The following DMD variants were observed in gnomAD, a reference collection of about 807,000 sequenced individuals.
DMD encodes mutant dystrophin.
In DMD, 63 loss-of-function variants were observed where a neutral mutation model predicts 330.1. That is an observed-to-expected ratio of 0.19 (90% CI 0.16 to 0.24). The LOEUF is 0.24. Ranked by LOEUF, DMD falls within the 10% of genes least tolerant of loss-of-function variation. DMD has a pLI of 1.00. For missense variants in DMD, 3,344 were observed against 2,684.1 expected (o/e 1.25, Z -5.43); for synonymous variants, 1,223 against 959.8 (o/e 1.27, Z -5.07).
At chrX:33,112,258 C>A (rs2095345153) in intron 1 of DMD, among the ~76,000 whole-genome samples, 1 of 110,755 alleles carries the variant, frequency 9.0e-6, no homozygotes, top group Admixed American at 9.7e-5. Flanking sequence ...ATATATTAAA[C>A]TTTGTTATAT....
intron 55 of DMD, among the ~76,000 whole-genome samples, chrX:31,598,125 G>C (rs2077192037): frequency 9.5e-6 from 1 of 105,662 alleles, no homozygotes; most frequent in Non-Finnish European, 1.9e-5. Context: ...TTTTTTAATT[G>C]AGAGAGAGAG....
intron 9 of DMD, among the ~76,000 whole-genome samples, chrX:32,664,313 C>A (rs1220414749): frequency 9.6e-6 from 1 of 104,394 alleles, no homozygotes; most frequent in Non-Finnish European, 2.0e-5. Context: ...GCGATATCCG[C>A]TCACTACAAG....
intron 55 of DMD, among the ~76,000 whole-genome samples, chrX:31,520,490 T>C (rs1369359018): frequency 9.0e-6 from 1 of 111,493 alleles, no homozygotes; most frequent in Non-Finnish European, 1.9e-5. Context: ...CTCTTTTTCT[T>C]TAAATAAATT....
intron 48 of DMD, among the ~76,000 whole-genome samples, chrX:31,867,786 T>C (rs1159932468): frequency 9.0e-6 from 1 of 111,090 alleles, no homozygotes; most frequent in Non-Finnish European, 1.9e-5. Context: ...CACATCCTGG[T>C]GCTACTTTAT....
chrX:32,054,241 G>A (rs1247976454), intron 44 of DMD, among the ~76,000 whole-genome samples: 1 of 106,211 alleles, frequency 9.4e-6, no homozygotes, highest in Admixed American at 1.0e-4. Flanking sequence ...TGTGCACAAC[G>A]TGCAGGTTTG....
At chrX:33,334,854 C>T (rs2054228773) in intron 1 of DMD, among the ~76,000 whole-genome samples, 3 of 111,150 alleles carry the variant, frequency 2.7e-5, no homozygotes, top group African/African-American at 9.8e-5. Flanking sequence ...CAGACATCTT[C>T]TTCAATTTCC....
At chrX:31,329,727 C>A (rs1430072593) in intron 61 of DMD, among the ~76,000 whole-genome samples, 1 of 110,184 alleles carries the variant, frequency 9.1e-6, no homozygotes, top group Non-Finnish European at 1.9e-5. Context: ...AATCCCAGCA[C>A]TTTGGGAGGC....
intron 1 of DMD, among the ~76,000 whole-genome samples, chrX:33,080,404 A>C (rs2094910391): frequency 9.0e-6 from 1 of 111,363 alleles, no homozygotes; most frequent in African/African-American, 3.3e-5. Context: ...ACAAAATTAC[A>C]TTCTCTTCAA....
intron 60 of DMD, among the ~76,000 whole-genome samples, chrX:31,427,260 C>T (rs1366448507): frequency 9.0e-6 from 1 of 111,536 alleles, no homozygotes; most frequent in Non-Finnish European, 1.9e-5. Context: ...TCCTAGAAAA[C>T]CATTCCATTT....
At chrX:32,560,464 G>T (rs2149062668) in intron 16 of DMD, among the ~76,000 whole-genome samples, 1 of 110,148 alleles carries the variant, frequency 9.1e-6, no homozygotes, top group African/African-American at 3.3e-5. Context: ...TAAGTTCCAG[G>T]GTACACGTAT....
At chrX:32,360,818 T>A (rs1160643734) in intron 37 of DMD, among the ~76,000 whole-genome samples, 3 of 107,563 alleles carry the variant, frequency 2.8e-5, no homozygotes, top group Non-Finnish European at 5.8e-5. Context: ...ATAATAATAA[T>A]AATAATAATA....
intron 47 of DMD, among the ~76,000 whole-genome samples, chrX:31,884,785 C>A (rs2094127110): frequency 1.8e-5 from 2 of 111,242 alleles, no homozygotes; most frequent in Non-Finnish European, 3.8e-5. Flanking sequence ...TTTTATTTGT[C>A]AATTTTTTAG....
intron 43 of DMD, among the ~76,000 whole-genome samples, chrX:32,242,393 T>G (rs948852459): frequency 1.2e-4 from 14 of 112,112 alleles, no homozygotes; most frequent in Admixed American, 1.2e-3. Context: ...AACACTCATG[T>G]TGGAAATAAA....
chrX:32,761,886 C>G (rs1291919806), intron 7 of DMD, among the ~76,000 whole-genome samples: 1 of 111,148 alleles, frequency 9.0e-6, no homozygotes, highest in South Asian at 3.8e-4. Flanking sequence ...CATGGTGGCT[C>G]ATGCTTGTTA....
At chrX:32,745,577 CA>C (rs1310093114) in intron 7 of DMD, among the ~76,000 whole-genome samples, 1 of 112,417 alleles carries the variant, frequency 8.9e-6, no homozygotes, top group Non-Finnish European at 1.9e-5. Context: ...TACTGCTTGT[CA>C]AACACTCCTT....
Position 32,448,006 on chromosome X carries a change from A to G in DMD, c.3786+450T>C, listed in dbSNP as rs191762452. 2.1e-3 allele frequency among the ~76,000 whole-genome samples: 239 copies of G among 111,235 alleles called. 1 individual carries two copies. The highest frequency in any genetic ancestry group is 7.4e-3 in the African/African-American group (229 of 30,775). ...CTCTATGGGGCACGGCAATTACTAAAGACAATTGTAGTAAAAACATACTTC... is the reference window on the plus strand; with the variant it reads ...CTCTATGGGGCACGGCAATTACTAAGGACAATTGTAGTAAAAACATACTTC... On this transcript the variant is annotated intron_variant, in intron 27 of 78. Transcript: ENST00000357033.
At chrX:31,144,635 A>G (rs1259512207) in intron 76 of DMD, among the ~76,000 whole-genome samples, 1 of 111,435 alleles carries the variant, frequency 9.0e-6, no homozygotes, top group Non-Finnish European at 1.9e-5. Flanking sequence ...ACACATCATC[A>G]TATCAGGCAA....
At chrX:32,977,353 A>C (rs2092582824) in intron 2 of DMD, among the ~76,000 whole-genome samples, 1 of 111,424 alleles carries the variant, frequency 9.0e-6, no homozygotes, top group South Asian at 3.7e-4. Flanking sequence ...AAGATAATAC[A>C]CCCAATTGAT....
In DMD at chrX:32,117,172, G is replaced by C. The variant is rs1396467805; in HGVS notation, c.6438+99744C>G. Among the ~76,000 whole-genome samples the C allele has an allele frequency of 4.5e-5, 5 of 110,958 alleles. No homozygotes were observed. The South Asian group carries it at 1.2e-3, about 26-fold the overall frequency. ...CCAGACGACAAATGGGAATTCTTAA[G>C]AGAAAGGGCATTAGAAGTGTTAAAA... On this transcript the variant is annotated intron_variant, in intron 44 of 78. Coordinates refer to ENST00000357033, the MANE Select transcript of DMD (RefSeq NM_004006.3).
Sources: gnomAD v4.1 joint callset for allele counts (sites outside exome capture counted in the v4.1 genomes callset) on GRCh38, gnomAD v4.1.1 for gene constraint, MANE v1.5 for transcripts, NCBI Gene and HGNC (gene_info 2026-07-23, HGNC 2026-07-21) for gene names.